DNAH17: variants seen among roughly 807,000 people sequenced by gnomAD.
DNAH17 encodes the protein axonemal beta dynein heavy chain 17.
DNAH17 carries 376 observed loss-of-function variants against 485.6 expected under a neutral mutation model. The ratio of observed to expected loss-of-function variants is 0.77; its 90% CI spans 0.71 to 0.84. DNAH17 has a LOEUF of 0.84. Among genes scored for constraint, DNAH17 ranks in the 40% least tolerant of loss-of-function variants. The probability of loss-of-function intolerance (pLI) is 0.00; values close to 1 mark genes in which losing one functional copy is unlikely to be tolerated. For missense variants in DNAH17, 6,370 were observed against 5,839.3 expected, an observed-to-expected ratio of 1.09 and a Z score of -2.96; for synonymous variants, 3,031 against 2,405.9, an observed-to-expected ratio of 1.26 and a Z score of -7.60.
Position 78,501,805 on chromosome 17 carries a change from G to C in DNAH17, c.5259C>G (p.Ile1753Met). ...GNLNAGDRMKIMTICTIDVHA... is the reference protein window; with the variant it reads ...GNLNAGDRMKMMTICTIDVHA... Reference sequence around the variant, plus strand: ...GCACATCGATGGTGCAGATGGTCATGATCTTCATCCTGTCGCCAGCGTTGA... The same window carrying C: ...GCACATCGATGGTGCAGATGGTCATCATCTTCATCCTGTCGCCAGCGTTGA... Residue 1753 changes from isoleucine (I) to methionine (M), a missense_variant, in exon 34 of 81, where the codon ATC becomes ATG. Ile to Met is a conservative substitution (Grantham distance 10). Transcript: ENST00000389840. The C allele has an allele frequency of 6.2e-7, 1 of 1,614,002 alleles. No homozygotes were observed. The highest frequency in any genetic ancestry group is 1.1e-5 in the South Asian group (1 of 91,080).
At chr17:78,470,523 T>C (rs2088699840) in intron 54 of DNAH17, among the ~76,000 whole-genome samples, 1 of 151,852 alleles carries the variant, frequency 6.6e-6, no homozygotes, top group Non-Finnish European at 1.5e-5. Flanking sequence ...ACCCCATCTC[T>C]ACAAAAAATA....
chr17:78,522,624 T>A, intron 25 of DNAH17: 1 of 254,636 alleles, frequency 3.9e-6, no homozygotes, highest in Non-Finnish European at 7.7e-6. Context: ...ACTTCACCCA[T>A]GAGTGCCCAG....
chr17:78,458,959 G>A lies in DNAH17; in HGVS notation c.9861+42C>T, dbSNP rs111699326. ...GTATTGACTGGCAGCGCGAGCAAGC[G>A]GCTCTGGTGTTTCGCAGGGACGGGA... On this transcript the variant is annotated intron_variant, in intron 61 of 80. Coordinates refer to ENST00000389840, the MANE Select transcript of DNAH17 (RefSeq NM_173628.4). 2.3e-3 allele frequency: 3,637 copies of A among 1,599,738 alleles called. 65 individuals carry two copies. The African/African-American group carries it at 0.04, about 17-fold the overall frequency.
intron 51 of DNAH17, 62 bp from the exon 52 acceptor site, chr17:78,476,795 C>T: frequency 6.4e-7 from 1 of 1,561,020 alleles, no homozygotes; most frequent in Non-Finnish European, 8.7e-7. Context: ...CAGAGCTGGA[C>T]ACAGATGACC....
intron 73 of DNAH17, among the ~76,000 whole-genome samples, chr17:78,438,349 G>A (rs773709905): frequency 5.6e-5 from 8 of 142,474 alleles, no homozygotes; most frequent in Non-Finnish European, 1.1e-4. Context: ...AGGGGTGGTC[G>A]TGCTAGCGTT....
In DNAH17 at chr17:78,570,871, A is replaced by AG. The variant is rs1474879405; in HGVS notation, c.918+76_918+77insC. The AG allele has an allele frequency of 1.3e-5, 10 of 778,314 alleles. No individual in the cohort carries two copies. In the East Asian group the frequency reaches 2.1e-4, roughly 16 times the overall value. 48.2% of individuals were successfully genotyped at this position (778,314 alleles called of 1,614,324 possible). Reference sequence around the variant, plus strand: ...GACTCCCTCTCAAAAAAAAAAAAAAAAAAAAAAGAAAAAAGAAAAGAAAAG... The same window carrying AG: ...GACTCCCTCTCAAAAAAAAAAAAAAAGAAAAAAAGAAAAAAGAAAAGAAAAG... On this transcript the variant is annotated intron_variant, in intron 6 of 80. Transcript: ENST00000389840.
Position 78,566,606 on chromosome 17 carries a change from ATGCTTACCTT to A in DNAH17, c.1567_1569+7del, listed in dbSNP as rs1568265713. ...CCAGATCTGCCTGCGTCTCCACTGC[ATGCTTACCTT>A]TGCGGAGGACTTGATACAGCTGCAG... On this transcript the variant is annotated splice_donor_variant and splice_donor_5th_base_variant and coding_sequence_variant and intron_variant, in exon 11 of 81. Coordinates refer to ENST00000389840, the MANE Select transcript of DNAH17 (RefSeq NM_173628.4). LOFTEE classifies it high-confidence loss of function. The A allele has an allele frequency of 6.3e-7, 1 of 1,591,272 alleles. No homozygotes were observed. Among genetic ancestry groups the A allele is most frequent in the East Asian group, 2.3e-5 (1 of 44,316 alleles).
At position 78,451,507 on chromosome 17, in the gene DNAH17, C is replaced by T. The variant is rs2087551925; in HGVS notation, c.10696G>A (p.Val3566Met). ...AGATCTGGGCGCTCTTTGGCCACCA[C>T]AGCGGCCAAGAGTTGGTCCTCGAGT... ...DGLEDQLLAA[V>M]VAKERPDLEQ... Residue 3566 changes from valine (V) to methionine (M), a missense_variant, in exon 66 of 81, where the codon GTG becomes ATG. Coordinates refer to ENST00000389840, the MANE Select transcript of DNAH17 (RefSeq NM_173628.4). 10 of 1,613,628 alleles carry T rather than the reference C, an allele frequency of 6.2e-6. No homozygotes were observed. Among genetic ancestry groups the T allele is most frequent in the Middle Eastern group, 1.7e-4 (1 of 6,056 alleles).
chr17:78,459,171 T>C lies in DNAH17; in HGVS notation c.9691A>G (p.Ile3231Val). Residue 3231 changes from isoleucine to valine, a missense_variant, in exon 61 of 81, where the codon ATC becomes GTC. Ile to Val is a conservative substitution (Grantham distance 29). Coordinates refer to ENST00000389840, the MANE Select transcript of DNAH17 (RefSeq NM_173628.4). ...QGNPTFDPEF[I>V]RSKSTAAAGL... ...GCGGCGGCCGTGGACTTGGAGCGGATGAACTCGGGGTCGAACGTCGGGTTG... is the reference window on the plus strand; with the variant it reads ...GCGGCGGCCGTGGACTTGGAGCGGACGAACTCGGGGTCGAACGTCGGGTTG... The C allele has an allele frequency of 6.2e-7, 1 of 1,613,936 alleles. No homozygotes were observed. The highest frequency in any genetic ancestry group is 1.1e-5 in the South Asian group (1 of 91,080).
rs753203898 is a variant in DNAH17 at position 78,437,766 on chromosome 17, G to C, written c.11908C>G (p.Pro3970Ala). Residue 3970 changes from proline (P) to alanine (A), a missense_variant, in exon 74 of 81, where the codon CCT (proline) becomes GCT (alanine). Transcript: ENST00000389840. ...EDYRVFISAE[P>A]APSPETHIIP... The stretch of plus-strand genomic sequence containing the variant: ...ATGTGGGTCTCGGGGCTGGGGGCAG[G>C]CTCCGCGCTGATGAACACCCGGTAG... 1.9e-6 allele frequency: 3 copies of C among 1,612,390 alleles called. No individual in the cohort carries two copies. The highest frequency in any genetic ancestry group is 1.3e-5 in the African/African-American group (1 of 74,910).
intron 45 of DNAH17, 21 bp downstream of exon 45, chr17:78,486,203 C>T (rs377667373): frequency 1.8e-4 from 293 of 1,586,734 alleles, no homozygotes; most frequent in South Asian, 9.8e-4. Flanking sequence ...TGTGGGTGGC[C>T]GGGCCCCCCA....
At chr17:78,570,921 A>G (rs1478352899) in intron 6 of DNAH17, 27 bp downstream of exon 6, 6 of 1,509,108 alleles carry the variant, frequency 4.0e-6, no homozygotes, top group Non-Finnish European at 5.4e-6. Flanking sequence ...CCTCCCCACC[A>G]AAGCCGGCTC....
intron 37 of DNAH17, among the ~76,000 whole-genome samples, chr17:78,498,264 G>A (rs1419807596): frequency 6.6e-6 from 1 of 152,198 alleles, no homozygotes; most frequent in African/African-American, 2.4e-5. Context: ...CACCCCACAT[G>A]CTCCTGGTCT....
At chr17:78,486,828 G>A (rs988425950) in intron 44 of DNAH17, among the ~76,000 whole-genome samples, 5 of 152,138 alleles carry the variant, frequency 3.3e-5, no homozygotes, top group African/African-American at 1.2e-4. Context: ...GGTGGATGGG[G>A]CAGAACAGAA....
At chr17:78,521,708 C>T (rs1054001328) in intron 25 of DNAH17, among the ~76,000 whole-genome samples, 11 of 152,080 alleles carry the variant, frequency 7.2e-5, no homozygotes, top group Non-Finnish European at 8.8e-5. Context: ...TAAAACTGGC[C>T]GGGCATGGTG....
chr17:78,468,521 C>G, intron 55 of DNAH17, 96 bp downstream of exon 55: 1 of 1,412,694 alleles, frequency 7.1e-7, no homozygotes, highest in Non-Finnish European at 9.5e-7. Flanking sequence ...CATGAAGGAT[C>G]AGTCCTCCTG....
At chr17:78,453,868 G>C (rs1272784082) in intron 64 of DNAH17, among the ~76,000 whole-genome samples, 1 of 151,866 alleles carries the variant, frequency 6.6e-6, no homozygotes, top group Non-Finnish European at 1.5e-5. Context: ...TTTTTTGTTT[G>C]TTTGTTTTTT....
rs771676575 is a variant in DNAH17 at position 78,480,784 on chromosome 17, T to A, written c.7652A>T (p.Tyr2551Phe). 3 of 1,611,116 alleles carry A rather than the reference T, an allele frequency of 1.9e-6. No homozygotes were observed. The South Asian group carries it at 3.3e-5, about 18-fold the overall frequency. Residue 2551 changes from tyrosine (Y) to phenylalanine (F), a missense_variant and splice_region_variant, in exon 49 of 81, where the codon TAT becomes TTT. Physicochemically the swap from Tyr to Phe is conservative, Grantham distance 22. Transcript: ENST00000389840. ...IRQHMDHRHW[Y>F]DRHKLTLKDI... ...TTTTAACGTCAGCTTATGTCTGTCA[T>A]ACCTGAGGGGGGAAACCAGCATTCA...
rs1568122411 is a variant in DNAH17 at position 78,480,048 on chromosome 17, TTAA to T, written c.7753-419_7753-417del. 2.8e-4 allele frequency among the ~76,000 whole-genome samples: 26 copies of T among 94,370 alleles called. 4 individuals carry two copies. The highest frequency in any genetic ancestry group is 6.7e-4 in the South Asian group (2 of 2,972). The allele number at this position is 94,370 out of a possible 152,430, so 61.9% of individuals were successfully genotyped here. ...TTTTTTTTTTTTTTTTTTTTTTTTT[TTAA>T]AAAAAGTATGTCCCAGGCCGGGCAC... On this transcript the variant is annotated intron_variant, in intron 49 of 80. Coordinates refer to ENST00000389840, the MANE Select transcript of DNAH17 (RefSeq NM_173628.4).
Sources: gnomAD v4.1 joint callset for allele counts (sites outside exome capture counted in the v4.1 genomes callset) on GRCh38, gnomAD v4.1.1 for gene constraint, MANE v1.5 for transcripts, NCBI Gene and HGNC (gene_info 2026-07-23, HGNC 2026-07-21) for gene names.